SORCS2: variants seen among roughly 807,000 people sequenced by gnomAD.
The protein encoded by SORCS2 is VPS10 domain-containing receptor SorCS2.
A neutral mutation model predicts 141.6 loss-of-function variants in SORCS2; 100 were observed. The ratio of observed to expected loss-of-function variants is 0.71; its 90% CI spans 0.60 to 0.83. The LOEUF (loss-of-function observed/expected upper bound fraction) is 0.83, where lower values mean the gene tolerates loss of function less well. Among genes scored for constraint, SORCS2 ranks in the 40% least tolerant of loss-of-function variants. The probability of loss-of-function intolerance (pLI) is 0.00; values close to 1 mark genes in which losing one functional copy is unlikely to be tolerated. For missense variants in SORCS2, 1,646 were observed against 1,560.2 expected (o/e 1.05, Z -0.93); for synonymous variants, 789 against 676.9 (o/e 1.17, Z -2.57).
rs1432279723 is a variant in SORCS2, at chr4:7,387,677, T to C, written c.481-8611T>C. ...ATACACATGCACACATGCACACACA[T>C]ACAGGTACACAGAGATACACACGCA... On this transcript the variant is annotated intron_variant, in intron 1 of 26. Transcript: ENST00000507866. 1.4e-3 allele frequency among the ~76,000 whole-genome samples: 146 copies of C among 100,700 alleles called. 1 individual carries two copies. The highest frequency in any genetic ancestry group is 6.5e-3 in the African/African-American group (138 of 21,330). 66.1% of individuals were successfully genotyped at this position (100,700 alleles called of 152,430 possible). A position where few individuals can be genotyped will look rare whatever the true frequency, so the allele number is the denominator to read the frequency against.
At chr4:7,512,176 A>G (rs910446102) in intron 2 of SORCS2, among the ~76,000 whole-genome samples, 2 of 152,078 alleles carry the variant, frequency 1.3e-5, no homozygotes, top group African/African-American at 4.8e-5. Flanking sequence ...CGGTGTCGTT[A>G]AGGGAGAGCA....
At chr4:7,610,138 G>A (rs146224136) in intron 3 of SORCS2, among the ~76,000 whole-genome samples, 1 of 152,122 alleles carries the variant, frequency 6.6e-6, no homozygotes, top group African/African-American at 2.4e-5. Context: ...GAATTGGGGG[G>A]AAATCTTATC....
At chr4:7,328,732 G>A (rs1245627664) in intron 1 of SORCS2, among the ~76,000 whole-genome samples, 2 of 152,138 alleles carry the variant, frequency 1.3e-5, no homozygotes, top group African/African-American at 4.8e-5. Flanking sequence ...AGCTGCAAGG[G>A]GCCTTGGAGA....
At chr4:7,728,925 C>A (rs372515272) in intron 22 of SORCS2, among the ~76,000 whole-genome samples, 1 of 152,194 alleles carries the variant, frequency 6.6e-6, no homozygotes, top group African/African-American at 2.4e-5. Flanking sequence ...GCCCTTGGCC[C>A]CCAAGTGAGA....
chr4:7,578,454 C>A (rs1715917139), intron 3 of SORCS2, among the ~76,000 whole-genome samples: 1 of 152,196 alleles, frequency 6.6e-6, no homozygotes, highest in South Asian at 2.1e-4. Flanking sequence ...TGGTCACCTG[C>A]CAGCAGCTCT....
At chr4:7,315,085 G>A (rs949343883) in intron 1 of SORCS2, among the ~76,000 whole-genome samples, 6 of 151,558 alleles carry the variant, frequency 4.0e-5, no homozygotes, top group South Asian at 2.1e-4. Context: ...CACCGACCTC[G>A]GCCTCCCAAA....
chr4:7,673,032 G>C (rs1187571669), intron 8 of SORCS2, among the ~76,000 whole-genome samples: 1 of 152,194 alleles, frequency 6.6e-6, no homozygotes, highest in African/African-American at 2.4e-5. Flanking sequence ...ATATTTGAAT[G>C]TGTCTTACAT....
chr4:7,492,612 G>C (rs1209720098), intron 2 of SORCS2, among the ~76,000 whole-genome samples: 1 of 152,152 alleles, frequency 6.6e-6, no homozygotes, highest in Non-Finnish European at 1.5e-5. Context: ...CTAATTTTGA[G>C]GAACGTCTGT....
In SORCS2 at chr4:7,742,464, T is replaced by C. The variant is rs1421373240; in HGVS notation, c.*2200T>C. On this transcript the variant is annotated 3_prime_UTR_variant, in exon 27 of 27. Transcript: ENST00000507866. ...GACCACTCCATTTAATTCTCTCTGC[T>C]GTTTGGGTTGGGTTTTTCCCCTTAG... is the stretch of plus-strand genomic sequence containing the variant. 1.3e-5 allele frequency: 2 copies of C among 152,278 alleles called. No homozygotes were observed. Among genetic ancestry groups the C allele is most frequent in the Non-Finnish European group, 2.9e-5 (2 of 68,072 alleles). 9.4% of individuals were successfully genotyped at this position (152,278 alleles called of 1,614,324 possible). A position where few individuals can be genotyped will look rare whatever the true frequency, so the allele number is the denominator to read the frequency against.
chr4:7,404,821 G>T (rs1056103174), intron 2 of SORCS2, among the ~76,000 whole-genome samples: 3 of 152,014 alleles, frequency 2.0e-5, no homozygotes, highest in African/African-American at 7.2e-5. Flanking sequence ...CCATGCTGTT[G>T]GTTATTTCTT....
chr4:7,556,720 CA>C (rs1245629074), intron 3 of SORCS2, among the ~76,000 whole-genome samples: 5 of 151,572 alleles, frequency 3.3e-5, no homozygotes, highest in Admixed American at 3.3e-4. Flanking sequence ...ACCATTCATC[CA>C]CCCACCCACC....
chr4:7,479,455 C>G (rs974228618), intron 2 of SORCS2, among the ~76,000 whole-genome samples: 5 of 152,200 alleles, frequency 3.3e-5, no homozygotes, highest in African/African-American at 1.2e-4. Context: ...GGTCATCTCC[C>G]AGAAGACAAT....
At chr4:7,560,310 A>T (rs1714444512) in intron 3 of SORCS2, among the ~76,000 whole-genome samples, 1 of 152,090 alleles carries the variant, frequency 6.6e-6, no homozygotes, top group South Asian at 2.1e-4. Flanking sequence ...ATGGGGTGGG[A>T]TGGAGGGCGA....
intron 2 of SORCS2, among the ~76,000 whole-genome samples, chr4:7,487,659 C>T (rs1008156564): frequency 4.5e-4 from 69 of 152,358 alleles, no homozygotes; most frequent in African/African-American, 1.5e-3. Flanking sequence ...CCTAGACTCA[C>T]GTAGCGGTGA....
chr4:7,551,321 T>G (rs1373040323), intron 3 of SORCS2, among the ~76,000 whole-genome samples: 1 of 152,242 alleles, frequency 6.6e-6, no homozygotes, highest in Non-Finnish European at 1.5e-5. Context: ...AGACATTTCC[T>G]GAGCCCCTAT....
intron 3 of SORCS2, among the ~76,000 whole-genome samples, chr4:7,532,210 C>A (rs1711719172): frequency 6.6e-6 from 1 of 152,176 alleles, no homozygotes; most frequent in African/African-American, 2.4e-5. Context: ...TGGCCCACCC[C>A]CTGAGCCCAG....
rs191294551 is a variant in SORCS2, at chr4:7,271,612, G to T, written c.480+78486G>T. ...GACACGTGTTATCTAAAATGCCATC[G>T]ACTTCATCATCCTGTCCATCTTGTG... On this transcript the variant is annotated intron_variant, in intron 1 of 26. Coordinates refer to ENST00000507866, the MANE Select transcript of SORCS2 (RefSeq NM_020777.3). Among the ~76,000 whole-genome samples the T allele has an allele frequency of 2.0e-5, 3 of 152,270 alleles. No individual in the cohort carries two copies. The East Asian group carries it at 5.8e-4, about 29-fold the overall frequency.
At chr4:7,601,177 A>T (rs1283357570) in intron 3 of SORCS2, among the ~76,000 whole-genome samples, 1 of 152,214 alleles carries the variant, frequency 6.6e-6, no homozygotes, top group Non-Finnish European at 1.5e-5. Flanking sequence ...GTGAATAAGT[A>T]TCTTTATCTT....
At chr4:7,706,377 T>C (rs375655713) in intron 14 of SORCS2, among the ~76,000 whole-genome samples, 160 of 125,052 alleles carry the variant, frequency 1.3e-3, no homozygotes, top group African/African-American at 1.9e-3. Context: ...GGCTGGGCTC[T>C]GTCTGGGCAG....
Sources: gnomAD v4.1 joint callset for allele counts (sites outside exome capture counted in the v4.1 genomes callset) on GRCh38, gnomAD v4.1.1 for gene constraint, MANE v1.5 for transcripts, NCBI Gene and HGNC (gene_info 2026-07-23, HGNC 2026-07-21) for gene names.